NUDT5: variants seen among roughly 807,000 people sequenced by gnomAD.
NUDT5 encodes nudix hydrolase 5, also known as ADP-sugar pyrophosphatase.
In NUDT5, 21 loss-of-function variants were observed where a neutral mutation model predicts 34.1. That is an observed-to-expected ratio of 0.62 (90% CI 0.44 to 0.89). The LOEUF is 0.89. Ranked by LOEUF, NUDT5 falls within the 40% of genes least tolerant of loss-of-function variation. NUDT5 has a pLI of 0.00. For synonymous variants in NUDT5, 85 were observed against 97.6 expected (o/e 0.87, Z 0.76); for missense variants, 249 against 274.8 (o/e 0.91, Z 0.66).
In NUDT5 at chr10:12,175,776, A is replaced by G. The variant is rs945473283; in HGVS notation, c.290-1963T>C. ...GGCAAAACCCCATCTCTACAAAAAA[A>G]TACAAAAAATGAGGTGGGAGGATCA... On this transcript the variant is annotated intron_variant, in intron 5 of 9. Coordinates refer to ENST00000491614, the MANE Select transcript of NUDT5 (RefSeq NM_014142.4). The surrounding 1 kb of genome is among the most constrained non-coding windows in gnomAD (Gnocchi z 4.8). Among the ~76,000 whole-genome samples the G allele has an allele frequency of 3.9e-5, 6 of 152,032 alleles. No homozygotes were observed. Among genetic ancestry groups the G allele is most frequent in the Admixed American group, 3.9e-4 (6 of 15,262 alleles).
rs1284692767 is a variant in NUDT5 at position 12,182,558 on chromosome 10, A to T, written c.131+2331T>A. Among the ~76,000 whole-genome samples the T allele has an allele frequency of 1.3e-5, 2 of 152,184 alleles. No individual in the cohort carries two copies. Among genetic ancestry groups the T allele is most frequent in the East Asian group, 3.8e-4 (2 of 5,204 alleles). On this transcript the variant is annotated intron_variant, in intron 3 of 9. Transcript: ENST00000491614. This position sits in a 1 kb window ranked among gnomAD's most constrained non-coding sequence, Gnocchi z 4.3. ...GACATGACCATGCTATAAATATGGT[A>T]GTTTGGTGGATTTTAGAGCCTACTC...
Position 12,182,990 on chromosome 10 carries a change from G to A in NUDT5, c.131+1899C>T, listed in dbSNP as rs560166668. ...GACCTCAAGTGATCCACCCACCTTG[G>A]CCTCCCAAAGTAATGGGATTACAGG... On this transcript the variant is annotated intron_variant, in intron 3 of 9. Transcript: ENST00000491614. The surrounding 1 kb of genome is among the most constrained non-coding windows in gnomAD (Gnocchi z 4.3). 5.1e-4 allele frequency among the ~76,000 whole-genome samples: 78 copies of A among 152,284 alleles called. No homozygotes were observed. The highest frequency in any genetic ancestry group is 1.9e-3 in the African/African-American group (77 of 41,554).
At chr10:12,188,111 C>T (rs1386760757) in intron 1 of NUDT5, among the ~76,000 whole-genome samples, 3 of 152,250 alleles carry the variant, frequency 2.0e-5, no homozygotes, top group East Asian at 3.9e-4. Flanking sequence ...TGCACTCTTA[C>T]GTTCCACGGT....
intron 2 of NUDT5, among the ~76,000 whole-genome samples, chr10:12,185,666 A>G (rs1166477055): frequency 6.6e-6 from 1 of 152,260 alleles, no homozygotes; most frequent in Non-Finnish European, 1.5e-5. Flanking sequence ...ATCTGTTCAC[A>G]GACAACATGG....
rs1294224806 is a variant in NUDT5, at chr10:12,187,553, T to C, written c.-41-1221A>G. 6.6e-6 allele frequency among the ~76,000 whole-genome samples: 1 copy of C among 152,148 alleles called. No homozygotes were observed. Among genetic ancestry groups the C allele is most frequent in the Non-Finnish European group, 1.5e-5 (1 of 68,004 alleles). On this transcript the variant is annotated intron_variant, in intron 1 of 9. Coordinates refer to ENST00000491614, the MANE Select transcript of NUDT5 (RefSeq NM_014142.4). This position sits in a 1 kb window ranked among gnomAD's most constrained non-coding sequence, Gnocchi z 5.4. ...ACACACATGGTTGTTAATTCAGCTG[T>C]ATATAGAATTATAGACCCAAAGCCA...
chr10:12,174,631 C>A (rs2131703069), intron 5 of NUDT5, among the ~76,000 whole-genome samples: 1 of 152,314 alleles, frequency 6.6e-6, no homozygotes, highest in South Asian at 2.1e-4. Context: ...GCAGATGAAT[C>A]AGGTTCTGAA....
chr10:12,169,557 G>T lies in NUDT5; in HGVS notation c.550+1160C>A. ...GATTGTCATGCCTTTCTCCAAATAC[G>T]CACCAGATAAACTATTGTATCTATT... On this transcript the variant is annotated intron_variant, in intron 9 of 9. Transcript: ENST00000491614. The surrounding 1 kb of genome is among the most constrained non-coding windows in gnomAD (Gnocchi z 4.8). 2.3e-6 allele frequency: 1 copy of T among 442,828 alleles called. No individual in the cohort carries two copies. Among genetic ancestry groups the T allele is most frequent in the South Asian group, 3.6e-5 (1 of 28,094 alleles). The allele number at this position is 442,828 out of a possible 1,614,324, so 27.4% of individuals were successfully genotyped here.
chr10:12,173,582 C>A lies in NUDT5; in HGVS notation c.385+136G>T. ...AGTTTCCTCCTGGGAGGGGAGATTCCCTTACACTTGGTGACCAGTCCTAAT... is the reference window on the plus strand; with the variant it reads ...AGTTTCCTCCTGGGAGGGGAGATTCACTTACACTTGGTGACCAGTCCTAAT... On this transcript the variant is annotated intron_variant, in intron 6 of 9. Transcript: ENST00000491614. The surrounding 1 kb of genome is among the most constrained non-coding windows in gnomAD (Gnocchi z 4.7). 1 of 709,600 alleles carries A rather than the reference C, an allele frequency of 1.4e-6. No individual in the cohort carries two copies. Among genetic ancestry groups the A allele is most frequent in the Non-Finnish European group, 2.5e-6 (1 of 401,526 alleles). The allele number at this position is 709,600 out of a possible 1,614,324, so 44.0% of individuals were successfully genotyped here. A position where few individuals can be genotyped will look rare whatever the true frequency, so the allele number is the denominator to read the frequency against.
intron 1 of NUDT5, among the ~76,000 whole-genome samples, chr10:12,193,401 G>A (rs965213726): frequency 6.6e-6 from 1 of 152,132 alleles, no homozygotes; most frequent in Non-Finnish European, 1.5e-5. Context: ...AAAGAAATGT[G>A]TTTTTTCATT....
intron 1 of NUDT5, among the ~76,000 whole-genome samples, chr10:12,189,567 G>A (rs1482159127): frequency 6.6e-6 from 1 of 152,174 alleles, no homozygotes; most frequent in Non-Finnish European, 1.5e-5. Flanking sequence ...AAGTACCTCA[G>A]AAATTTTTAG....
At chr10:12,185,053 A>C in intron 2 of NUDT5, 97 bp from the exon 3 acceptor site, 1 of 680,526 alleles carries the variant, frequency 1.5e-6, no homozygotes, top group Admixed American at 2.6e-5. Flanking sequence ...CTTTCCCCAG[A>C]CTCCCAATAA....
intron 3 of NUDT5, among the ~76,000 whole-genome samples, chr10:12,184,000 T>A (rs1467224046): frequency 6.6e-6 from 1 of 152,242 alleles, no homozygotes; most frequent in African/African-American, 2.4e-5. Flanking sequence ...ACATTTTCTA[T>A]ACATAAATTT....
chr10:12,192,836 G>GC (rs1265417389), intron 1 of NUDT5, among the ~76,000 whole-genome samples: 3 of 151,996 alleles, frequency 2.0e-5, no homozygotes, highest in African/African-American at 7.3e-5. Context: ...GGGCGACAGA[G>GC]CGAGACTCTG....
Position 12,165,469 on chromosome 10 carries a change from T to C in NUDT5, c.*2233A>G. 1 of 583,294 alleles carries C rather than the reference T, an allele frequency of 1.7e-6. No homozygotes were observed. 36.1% of individuals were successfully genotyped at this position (583,294 alleles called of 1,614,324 possible). A position where few individuals can be genotyped will look rare whatever the true frequency, so the allele number is the denominator to read the frequency against. On this transcript the variant is annotated 3_prime_UTR_variant, in exon 10 of 10. Coordinates refer to ENST00000491614, the MANE Select transcript of NUDT5 (RefSeq NM_014142.4). ...CATAAGAAGTCCACCCTGAGATGCC[T>C]GTAAAAGTCAAATGTAATTACACTT...
At position 12,195,810 on chromosome 10, in the gene NUDT5, C is replaced by A. The variant is rs1835329937; in HGVS notation, c.-82G>T. The A allele has an allele frequency of 2.3e-5, 5 of 220,386 alleles. No homozygotes were observed. The highest frequency in any genetic ancestry group is 1.1e-4 in the Admixed American group (2 of 18,902). 13.7% of individuals were successfully genotyped at this position (220,386 alleles called of 1,614,324 possible). ...TGAAGAACGGAAGAGGACGAAATAACTAGCTGGAGGCAGCAGTGTCAGCCG... is the reference window on the plus strand; with the variant it reads ...TGAAGAACGGAAGAGGACGAAATAAATAGCTGGAGGCAGCAGTGTCAGCCG... On this transcript the variant is annotated 5_prime_UTR_variant, in exon 1 of 10. Coordinates refer to ENST00000491614, the MANE Select transcript of NUDT5 (RefSeq NM_014142.4).
intron 3 of NUDT5, 25 bp from the exon 4 acceptor site, chr10:12,179,157 AG>A (rs1212745176): frequency 2.5e-6 from 4 of 1,603,924 alleles, no homozygotes; most frequent in Non-Finnish European, 8.5e-7. Context: ...AAGAAAAAAA[AG>A]TCATTAGTGC....
rs186663633 is a variant in NUDT5 at position 12,181,192 on chromosome 10, G to C, written c.132-2060C>G. ...CCCTAAACAATAGAGTACGACTGTT[G>C]ACACAGCATTTGCATTGTATTAGGT... On this transcript the variant is annotated intron_variant, in intron 3 of 9. Coordinates refer to ENST00000491614, the MANE Select transcript of NUDT5 (RefSeq NM_014142.4). The surrounding 1 kb of genome is among the most constrained non-coding windows in gnomAD (Gnocchi z 5.0). Among the ~76,000 whole-genome samples the C allele has an allele frequency of 6.6e-6, 1 of 152,278 alleles. No individual in the cohort carries two copies. The highest frequency in any genetic ancestry group is 2.4e-5 in the African/African-American group (1 of 41,566).
rs767696137 is a variant in NUDT5, at chr10:12,182,190, T to TG, written c.131+2698dup. On this transcript the variant is annotated intron_variant, in intron 3 of 9. Coordinates refer to ENST00000491614, the MANE Select transcript of NUDT5 (RefSeq NM_014142.4). The surrounding 1 kb of genome is among the most constrained non-coding windows in gnomAD (Gnocchi z 4.3). ...CTGAAGGGGAGGGTTCCTTTTCCCC[T>TG]GGGGGGACACTGAATGTCTGTGTTG... Among the ~76,000 whole-genome samples the TG allele has an allele frequency of 6.6e-5, 10 of 151,554 alleles. No homozygotes were observed. Among genetic ancestry groups the TG allele is most frequent in the African/African-American group, 9.7e-5 (4 of 41,262 alleles).
chr10:12,195,649 CAG>C (rs1835325503), intron 1 of NUDT5, 119 bp downstream of exon 1: 1 of 152,738 alleles, frequency 6.5e-6, no homozygotes, highest in Non-Finnish European at 1.5e-5. Context: ...GACGCGTGCC[CAG>C]CCGCAGCCTG....
Sources: allele counts gnomAD v4.1 joint callset (sites outside exome capture counted in the v4.1 genomes callset), GRCh38; gene constraint gnomAD v4.1.1; non-coding constraint Gnocchi (gnomAD v3.1); transcripts MANE v1.5; gene names NCBI Gene and HGNC (gene_info 2026-07-23, HGNC 2026-07-21).